Variants in FAM184B observed in about 807,000 individuals in gnomAD.
FAM184B encodes family with sequence similarity 184 member B, also known as protein FAM184B.
FAM184B carries 111 observed loss-of-function variants against 135.9 expected under a neutral mutation model. That is an observed-to-expected ratio of 0.82 (90% CI 0.70 to 0.96). The LOEUF is 0.96. Ranked by LOEUF, FAM184B falls within the 40% of genes least tolerant of loss-of-function variation. The probability of loss-of-function intolerance (pLI) is 0.00; values close to 1 mark genes in which losing one functional copy is unlikely to be tolerated. For missense variants in FAM184B, 1,375 were observed against 1,323.9 expected, an observed-to-expected ratio of 1.04 and a Z score of -0.60; for synonymous variants, 552 against 524.8, an observed-to-expected ratio of 1.05 and a Z score of -0.71.
At chr4:17,768,487 C>T (rs536394537) in intron 1 of FAM184B, among the ~76,000 whole-genome samples, 31 of 152,236 alleles carry the variant, frequency 2.0e-4, no homozygotes, top group South Asian at 1.2e-3. Flanking sequence ...ATTGGTCAGG[C>T]GCTGGTCTTG....
chr4:17,775,082 C>T (rs1470767331), intron 1 of FAM184B, among the ~76,000 whole-genome samples: 27 of 149,836 alleles, frequency 1.8e-4, no homozygotes, highest in Admixed American at 5.3e-4. Flanking sequence ...CTGCAACCTC[C>T]GCCTCCCGGG....
At position 17,631,308 on chromosome 4, in the gene FAM184B, C is replaced by G. The variant is rs937469123; in HGVS notation, c.*1224G>C. 1.4e-4 allele frequency: 21 copies of G among 151,798 alleles called. 1 individual carries two copies. Among genetic ancestry groups the G allele is most frequent in the African/African-American group, 4.4e-4 (18 of 41,158 alleles). 9.4% of individuals were successfully genotyped at this position (151,798 alleles called of 1,614,324 possible). On this transcript the variant is annotated 3_prime_UTR_variant, in exon 18 of 18. Transcript: ENST00000265018. ...CTCATGCTGTCCTACCTCAGACTTC[C>G]AAGTAGCTGGGTTTTCTTTGGGCTA... is the stretch of plus-strand genomic sequence containing the variant.
chr4:17,637,986 A>C (rs191456748), intron 14 of FAM184B, among the ~76,000 whole-genome samples: 1,095 of 23,582 alleles, frequency 0.046, 13 homozygotes, highest in Non-Finnish European at 0.098. Context: ...CCTCCCACTC[A>C]CCCTCCCTCT....
At chr4:17,639,836 T>G (rs1402789716) in intron 13 of FAM184B, among the ~76,000 whole-genome samples, 1 of 151,872 alleles carries the variant, frequency 6.6e-6, no homozygotes, top group Non-Finnish European at 1.5e-5. Flanking sequence ...CTGAACTTTT[T>G]TTTTTTTTTG....
chr4:17,729,655 G>T (rs561410146), intron 1 of FAM184B, among the ~76,000 whole-genome samples: 2 of 152,310 alleles, frequency 1.3e-5, no homozygotes, highest in South Asian at 4.1e-4. Flanking sequence ...AGGCAAACAG[G>T]GTCTGGAGTG....
intron 7 of FAM184B, among the ~76,000 whole-genome samples, chr4:17,680,215 C>T (rs769138673): frequency 4.0e-4 from 61 of 152,130 alleles, no homozygotes; most frequent in Non-Finnish European, 7.3e-4. Flanking sequence ...ATATGTCACA[C>T]ATGATAAATT....
At chr4:17,706,509 T>A (rs1454293720) in intron 3 of FAM184B, among the ~76,000 whole-genome samples, 3 of 152,158 alleles carry the variant, frequency 2.0e-5, no homozygotes, top group Non-Finnish European at 4.4e-5. Flanking sequence ...CTTTGTTATA[T>A]CTCCCAGTGT....
At chr4:17,699,967 G>A (rs1166618192) in intron 5 of FAM184B, among the ~76,000 whole-genome samples, 1 of 152,108 alleles carries the variant, frequency 6.6e-6, no homozygotes, top group Non-Finnish European at 1.5e-5. Context: ...TTGTATGTGT[G>A]AAGTAATGTA....
chr4:17,771,406 G>A (rs374822567), intron 1 of FAM184B, among the ~76,000 whole-genome samples: 6 of 152,134 alleles, frequency 3.9e-5, no homozygotes, highest in African/African-American at 4.8e-5. Flanking sequence ...ACTCCCTACC[G>A]TTTACAGTAT....
At chr4:17,653,695 A>G (rs1415568902) in intron 10 of FAM184B, among the ~76,000 whole-genome samples, 3 of 151,902 alleles carry the variant, frequency 2.0e-5, no homozygotes, top group African/African-American at 7.3e-5. Flanking sequence ...ACTTCACTCA[A>G]GCTGGTTTCT....
At chr4:17,656,137 C>T (rs983907707) in intron 10 of FAM184B, among the ~76,000 whole-genome samples, 3 of 152,158 alleles carry the variant, frequency 2.0e-5, no homozygotes. Context: ...GAACTCCCCG[C>T]CTCAGGTGAG....
chr4:17,642,056 C>T lies in FAM184B; in HGVS notation c.2519G>A (p.Arg840Lys). The part of the protein sequence containing the change: ...QEAQKLRDQR[R>K]FLEETQQAQR... ...TGGCGGGGCGCGCCGGGTCACCCAC[C>T]TGCGCTGGTCTCGGAGCTTCTGCGC... is the stretch of plus-strand genomic sequence containing the variant. The change falls in exon 13 of 18, where the codon AGG becomes AAG. Residue 840 changes from arginine (R) to lysine (K), a missense_variant and splice_region_variant. Arg to Lys is a conservative substitution (Grantham distance 26). Coordinates refer to ENST00000265018, the MANE Select transcript of FAM184B (RefSeq NM_015688.2). 1 of 1,528,980 alleles carries T rather than the reference C, an allele frequency of 6.5e-7. No individual in the cohort carries two copies. 94.7% of individuals were successfully genotyped at this position (1,528,980 alleles called of 1,614,324 possible). A position where few individuals can be genotyped will look rare whatever the true frequency, so the allele number is the denominator to read the frequency against.
Position 17,633,343 on chromosome 4 carries a change from AT to A in FAM184B, c.3089+345del. The stretch of plus-strand genomic sequence containing the variant: ...GTCCTGTGCTAAGCACATCCTATGG[AT>A]TAATTCCTTTAGTCTCACGTCAGTC... On this transcript the variant is annotated intron_variant, in intron 17 of 17. Transcript: ENST00000265018. 1.6e-5 allele frequency: 3 copies of A among 185,202 alleles called. 1 individual carries two copies. In the South Asian group the frequency reaches 5.6e-4, roughly 35 times the overall value. 11.5% of individuals were successfully genotyped at this position (185,202 alleles called of 1,614,324 possible).
intron 1 of FAM184B, among the ~76,000 whole-genome samples, chr4:17,776,368 T>C (rs1455251219): frequency 1.3e-5 from 2 of 152,226 alleles, no homozygotes; most frequent in Non-Finnish European, 2.9e-5. Context: ...GTAAATGTAA[T>C]TAATACACAG....
intron 7 of FAM184B, among the ~76,000 whole-genome samples, chr4:17,680,303 G>A (rs4605646): frequency 0.016 from 2,481 of 151,868 alleles, 77 homozygotes; most frequent in African/African-American, 0.057. Flanking sequence ...TTTCAGTTTT[G>A]TTTGTTTTTG....
chr4:17,768,669 G>C (rs745540959), intron 1 of FAM184B, among the ~76,000 whole-genome samples: 6 of 152,118 alleles, frequency 3.9e-5, no homozygotes, highest in Non-Finnish European at 8.8e-5. Context: ...ATGTCCAAAT[G>C]ACGTCGAATA....
intron 17 of FAM184B, chr4:17,633,236 T>C (rs1174402236): frequency 6.5e-6 from 1 of 154,524 alleles, no homozygotes; most frequent in East Asian, 1.9e-4. Flanking sequence ...TAAGAGACTT[T>C]AGAATTCCAA....
chr4:17,723,222 A>G (rs965588229), intron 1 of FAM184B, among the ~76,000 whole-genome samples: 8 of 152,232 alleles, frequency 5.3e-5, no homozygotes, highest in Non-Finnish European at 1.0e-4. Context: ...GTTCTAACTG[A>G]ATTTTTACTT....
intron 7 of FAM184B, among the ~76,000 whole-genome samples, chr4:17,671,759 G>T (rs1716172910): frequency 6.6e-6 from 1 of 151,828 alleles, no homozygotes; most frequent in Non-Finnish European, 1.5e-5. Context: ...AATAATGAAT[G>T]AACAAAGTGA....
Sources: gnomAD v4.1 joint callset for allele counts (sites outside exome capture counted in the v4.1 genomes callset) on GRCh38, gnomAD v4.1.1 for gene constraint, MANE v1.5 for transcripts, NCBI Gene and HGNC (gene_info 2026-07-23, HGNC 2026-07-21) for gene names.